CNTNAP5: variants seen among roughly 807,000 people sequenced by gnomAD.
The protein encoded by CNTNAP5 is contactin-associated protein-like 5.
A neutral mutation model predicts 150.2 loss-of-function variants in CNTNAP5; 72 were observed. That is an observed-to-expected ratio of 0.48 (90% CI 0.40 to 0.58). The LOEUF is 0.58. Among genes scored for constraint, CNTNAP5 ranks in the 20% least tolerant of loss-of-function variants. CNTNAP5 has a pLI of 0.00. For missense variants in CNTNAP5, 1,636 were observed against 1,626.2 expected (o/e 1.01, Z -0.10); for synonymous variants, 672 against 619.8 (o/e 1.08, Z -1.25).
At chr2:124,074,007 TAAA>T (rs1258852187) in intron 1 of CNTNAP5, among the ~76,000 whole-genome samples, 1 of 152,086 alleles carries the variant, frequency 6.6e-6, no homozygotes, top group African/African-American at 2.4e-5. Context: ...TATTTATACA[TAAA>T]AAAGAATGAG....
At chr2:124,359,315 C>G (rs201161500) in intron 3 of CNTNAP5, among the ~76,000 whole-genome samples, 23,585 of 148,748 alleles carry the variant, frequency 0.16, 1,885 homozygotes, top group East Asian at 0.19. Context: ...TCAGTTCTGC[C>G]CTGATTTTAG....
chr2:124,916,205 AT>A lies in CNTNAP5; in HGVS notation c.*1918del, dbSNP rs142481297. Among the ~76,000 whole-genome samples the A allele has an allele frequency of 0.028, 4,305 of 152,146 alleles. 215 individuals carry two copies. The highest frequency in any genetic ancestry group is 0.097 in the African/African-American group (4,029 of 41,502). ...CTGTGGATTTGAGCTCAATCGCTTT[AT>A]CATCTACATGATATCTTTTGGCTAG... On this transcript the variant is annotated 3_prime_UTR_variant, in exon 24 of 24. Coordinates refer to ENST00000682447, the MANE Select transcript of CNTNAP5 (RefSeq NM_001367498.1).
chr2:124,539,284 G>T (rs1237523799), intron 10 of CNTNAP5, among the ~76,000 whole-genome samples: 1 of 152,136 alleles, frequency 6.6e-6, no homozygotes, highest in Non-Finnish European at 1.5e-5. Flanking sequence ...GGCCTTGTGG[G>T]TTTGATTGTG....
chr2:124,070,953 A>G (rs1443767550), intron 1 of CNTNAP5, among the ~76,000 whole-genome samples: 2 of 152,068 alleles, frequency 1.3e-5, no homozygotes, highest in Non-Finnish European at 2.9e-5. Flanking sequence ...GTAGACCTCA[A>G]TACAAGTCTT....
At chr2:124,029,829 G>A (rs1680996064) in intron 1 of CNTNAP5, among the ~76,000 whole-genome samples, 1 of 152,028 alleles carries the variant, frequency 6.6e-6, no homozygotes, top group Non-Finnish European at 1.5e-5. Flanking sequence ...GAGTTGATAA[G>A]CCAGAACTTC....
intron 13 of CNTNAP5, among the ~76,000 whole-genome samples, chr2:124,706,835 AGGG>A (rs1558743097): frequency 0.052 from 132 of 2,530 alleles, 11 homozygotes; most frequent in African/African-American, 0.1. Context: ...GAAGAGGAGG[AGGG>A]GGAGGAAGGA....
intron 12 of CNTNAP5, among the ~76,000 whole-genome samples, chr2:124,625,922 C>T (rs558546737): frequency 6.6e-6 from 1 of 152,268 alleles, no homozygotes; most frequent in Non-Finnish European, 1.5e-5. Context: ...CAATGGAATC[C>T]TGGTCAAGTT....
chr2:124,851,498 G>A (rs1278745671), intron 19 of CNTNAP5, among the ~76,000 whole-genome samples: 1 of 152,184 alleles, frequency 6.6e-6, no homozygotes, highest in Non-Finnish European at 1.5e-5. Context: ...AGGTGATAAC[G>A]ATGAGAAGGA....
At chr2:124,454,167 A>G (rs1338499229) in intron 6 of CNTNAP5, among the ~76,000 whole-genome samples, 1 of 152,210 alleles carries the variant, frequency 6.6e-6, no homozygotes, top group Non-Finnish European at 1.5e-5. Context: ...CACCTAATAC[A>G]TAAGAACTCA....
chr2:124,345,009 A>G (rs1689704310), intron 3 of CNTNAP5, among the ~76,000 whole-genome samples: 1 of 152,278 alleles, frequency 6.6e-6, no homozygotes, highest in South Asian at 2.1e-4. Context: ...GACTGCTTGT[A>G]AGACCTTTTA....
rs1365148862 is a variant in CNTNAP5 at position 124,392,731 on chromosome 2, A to AC, written c.382-24712_382-24711insC. 1.3e-3 allele frequency among the ~76,000 whole-genome samples: 197 copies of AC among 150,616 alleles called. 1 individual carries two copies. Among genetic ancestry groups the AC allele is most frequent in the African/African-American group, 4.6e-3 (189 of 41,150 alleles). On this transcript the variant is annotated intron_variant, in intron 3 of 23. Coordinates refer to ENST00000682447, the MANE Select transcript of CNTNAP5 (RefSeq NM_001367498.1). The stretch of plus-strand genomic sequence containing the variant: ...AAAAAGGAAAAGAAGGAGGGGAGGA[A>AC]AAAAAAAAGAAAGGAAGGGAAGGAG...
intron 13 of CNTNAP5, among the ~76,000 whole-genome samples, chr2:124,738,679 C>T (rs1367675788): frequency 6.7e-5 from 10 of 150,016 alleles, no homozygotes; most frequent in Non-Finnish European, 1.5e-5. Context: ...TGCAGTGAGC[C>T]GAGATTATGC....
chr2:124,381,631 C>T (rs538620844), intron 3 of CNTNAP5, among the ~76,000 whole-genome samples: 4 of 151,978 alleles, frequency 2.6e-5, no homozygotes, highest in South Asian at 2.1e-4. Context: ...TTTTCAGGGT[C>T]GGGGTAAAGT....
In CNTNAP5 at chr2:124,574,193, C is replaced by T. The variant is rs554101424; in HGVS notation, c.1756+10870C>T. On this transcript the variant is annotated intron_variant, in intron 11 of 23. Coordinates refer to ENST00000682447, the MANE Select transcript of CNTNAP5 (RefSeq NM_001367498.1). Reference sequence around the variant, plus strand: ...CCAGTAGAACCCCGGTGGCAGGTTGCGGGGGGGACGGGGGATACTCCTGCA... The same window carrying T: ...CCAGTAGAACCCCGGTGGCAGGTTGTGGGGGGGACGGGGGATACTCCTGCA... 4.6e-5 allele frequency among the ~76,000 whole-genome samples: 7 copies of T among 151,964 alleles called. No homozygotes were observed. The South Asian group carries it at 6.2e-4, about 14-fold the overall frequency.
intron 7 of CNTNAP5, among the ~76,000 whole-genome samples, chr2:124,482,098 C>T (rs573649946): frequency 2.0e-5 from 3 of 152,206 alleles, no homozygotes; most frequent in Non-Finnish European, 4.4e-5. Context: ...TGATGCAAAA[C>T]ATCCAACTAA....
At chr2:124,419,153 A>AC (rs1476584482) in intron 4 of CNTNAP5, among the ~76,000 whole-genome samples, 1 of 76,404 alleles carries the variant, frequency 1.3e-5, no homozygotes, top group African/African-American at 4.8e-5. Context: ...AAAAAAAAAA[A>AC]AAAAAAAAAA....
At chr2:124,531,702 T>A (rs1479965721) in intron 10 of CNTNAP5, among the ~76,000 whole-genome samples, 1 of 152,200 alleles carries the variant, frequency 6.6e-6, no homozygotes, top group Admixed American at 6.5e-5. Flanking sequence ...AGTCAAGCAC[T>A]GTGTGTATTC....
intron 12 of CNTNAP5, among the ~76,000 whole-genome samples, chr2:124,625,456 A>T (rs1283319447): frequency 6.6e-6 from 1 of 152,218 alleles, no homozygotes; most frequent in South Asian, 2.1e-4. Context: ...TATACATAGT[A>T]TAGTATACAT....
chr2:124,877,148 A>G (rs1054897307), intron 21 of CNTNAP5, among the ~76,000 whole-genome samples: 1 of 151,948 alleles, frequency 6.6e-6, no homozygotes, highest in Non-Finnish European at 1.5e-5. Flanking sequence ...TTAAGATGCA[A>G]TTTTATTTCT....
Sources: allele counts gnomAD v4.1 joint callset (sites outside exome capture counted in the v4.1 genomes callset), GRCh38; gene constraint gnomAD v4.1.1; transcripts MANE v1.5; gene names NCBI Gene and HGNC (gene_info 2026-07-23, HGNC 2026-07-21).